The following FAM135B variants were observed in gnomAD, a reference collection of about 807,000 sequenced individuals.
FAM135B encodes the protein family with sequence similarity 135 member B.
Under a neutral mutation model 127.7 loss-of-function variants are expected in FAM135B, and 43 were observed. The observed-to-expected ratio is 0.34, with a 90% CI of 0.26 to 0.43. The LOEUF (loss-of-function observed/expected upper bound fraction) is 0.43, where lower values mean the gene tolerates loss of function less well. Among genes scored for constraint, FAM135B ranks in the 20% least tolerant of loss-of-function variants. FAM135B has a pLI of 1.00. For synonymous variants in FAM135B, 670 were observed against 665.1 expected, an observed-to-expected ratio of 1.01 and a Z score of -0.11; for missense variants, 1,558 against 1,725.6, an observed-to-expected ratio of 0.90 and a Z score of 1.72.
intron 3 of FAM135B, among the ~76,000 whole-genome samples, chr8:138,303,734 G>T (rs377203732): frequency 1.8e-4 from 27 of 152,310 alleles, no homozygotes; most frequent in East Asian, 9.7e-4. Context: ...GTCCTGGTGC[G>T]TGCACCTGTG....
intron 2 of FAM135B, among the ~76,000 whole-genome samples, chr8:138,364,771 G>T (rs1346747875): frequency 6.6e-6 from 1 of 151,766 alleles, no homozygotes; most frequent in Non-Finnish European, 1.5e-5. Flanking sequence ...TATAGAAAAA[G>T]GTTTTTTAAA....
intron 2 of FAM135B, among the ~76,000 whole-genome samples, chr8:138,329,003 C>G (rs905160246): frequency 1.3e-5 from 2 of 152,162 alleles, no homozygotes; most frequent in African/African-American, 4.8e-5. Context: ...ACAAACAAAA[C>G]ACCCACAAAT....
chr8:138,189,990 G>C (rs993968493), intron 9 of FAM135B, among the ~76,000 whole-genome samples: 1 of 152,132 alleles, frequency 6.6e-6, no homozygotes, highest in African/African-American at 2.4e-5. Flanking sequence ...AACCTTATCT[G>C]CATGGAGCCC....
intron 4 of FAM135B, among the ~76,000 whole-genome samples, chr8:138,259,851 G>A (rs1394528944): frequency 6.6e-6 from 1 of 152,146 alleles, no homozygotes; most frequent in Non-Finnish European, 1.5e-5. Context: ...TACCTTATAG[G>A]TATAAGATGC....
intron 2 of FAM135B, 125 bp downstream of exon 2, chr8:138,367,782 A>T (rs1830843913): frequency 1.4e-6 from 1 of 722,164 alleles, no homozygotes; most frequent in East Asian, 2.6e-5. Context: ...ACACAATGAA[A>T]ATCTTTTCTT....
At position 138,411,295 on chromosome 8, in the gene FAM135B, T is replaced by C. The variant is rs1439717489; in HGVS notation, c.-19-43293A>G. On this transcript the variant is annotated intron_variant, in intron 1 of 19. Coordinates refer to ENST00000395297, the MANE Select transcript of FAM135B (RefSeq NM_015912.4). ...TGGTACTGGTACCGAAACAGAGATA[T>C]AGATCAATGGAACAGAACAGAGCCC... is the stretch of plus-strand genomic sequence containing the variant. 3.3e-5 allele frequency among the ~76,000 whole-genome samples: 5 copies of C among 151,950 alleles called. No homozygotes were observed. In the South Asian group the frequency reaches 6.2e-4, roughly 19 times the overall value.
At chr8:138,394,306 C>G (rs952846322) in intron 1 of FAM135B, among the ~76,000 whole-genome samples, 5 of 152,134 alleles carry the variant, frequency 3.3e-5, no homozygotes, top group African/African-American at 7.2e-5. Flanking sequence ...CAGTATTTAT[C>G]AAGTTTACAT....
At chr8:138,482,918 A>G (rs982987903) in intron 1 of FAM135B, among the ~76,000 whole-genome samples, 1 of 151,910 alleles carries the variant, frequency 6.6e-6, no homozygotes, top group African/African-American at 2.4e-5. Flanking sequence ...CCATCCACCC[A>G]CCCATGCACC....
chr8:138,181,016 G>A (rs10875417), intron 9 of FAM135B, among the ~76,000 whole-genome samples: 77,815 of 150,694 alleles, frequency 0.52, 20,593 homozygotes, highest in East Asian at 0.8. Flanking sequence ...TGAGGCAGGC[G>A]GATCACGAGG....
intron 11 of FAM135B, among the ~76,000 whole-genome samples, chr8:138,169,399 T>C (rs1337966786): frequency 1.4e-5 from 2 of 140,384 alleles, no homozygotes; most frequent in Non-Finnish European, 3.0e-5. Flanking sequence ...TCTCTGAATA[T>C]TTAACTCTTT....
At chr8:138,206,306 C>T in intron 7 of FAM135B, among the ~76,000 whole-genome samples, 4 of 151,276 alleles carry the variant, frequency 2.6e-5, no homozygotes, top group Non-Finnish European at 5.9e-5. Context: ...TCATCCCCTC[C>T]ACCTACCCAC....
intron 19 of FAM135B, among the ~76,000 whole-genome samples, chr8:138,133,127 A>AGG (rs1183394924): frequency 6.6e-6 from 1 of 152,146 alleles, no homozygotes; most frequent in African/African-American, 2.4e-5. Context: ...AACACCAGAG[A>AGG]GGACCCTCAG....
chr8:138,253,742 C>G (rs73716655), intron 5 of FAM135B, among the ~76,000 whole-genome samples: 1,997 of 152,294 alleles, frequency 0.013, 40 homozygotes, highest in African/African-American at 0.042. Context: ...ATTTCACAAG[C>G]TCTTCCGTCC....
chr8:138,266,990 T>C (rs541083086), intron 3 of FAM135B, among the ~76,000 whole-genome samples: 1 of 152,252 alleles, frequency 6.6e-6, no homozygotes, highest in South Asian at 2.1e-4. Context: ...ACCCATAAGG[T>C]AAATTTTACA....
intron 1 of FAM135B, among the ~76,000 whole-genome samples, chr8:138,480,403 T>C (rs2131679978): frequency 6.6e-6 from 1 of 152,278 alleles, no homozygotes; most frequent in South Asian, 2.1e-4. Context: ...TGTCATCAGG[T>C]TGTATAATAA....
chr8:138,178,280 C>G (rs939975119), intron 10 of FAM135B, among the ~76,000 whole-genome samples: 1 of 151,506 alleles, frequency 6.6e-6, no homozygotes, highest in Non-Finnish European at 1.5e-5. Context: ...AGCACTTTTT[C>G]CAAAATACTT....
At chr8:138,192,495 C>A (rs990883846) in intron 9 of FAM135B, among the ~76,000 whole-genome samples, 29 of 152,214 alleles carry the variant, frequency 1.9e-4, no homozygotes, top group African/African-American at 7.0e-4. Flanking sequence ...CAAATTGCTT[C>A]TGTGGAATAA....
intron 2 of FAM135B, among the ~76,000 whole-genome samples, chr8:138,320,592 C>G (rs532351766): frequency 6.6e-6 from 1 of 152,230 alleles, no homozygotes; most frequent in East Asian, 1.9e-4. Context: ...TTTTGTATTC[C>G]TTAGAGGTCT....
intron 7 of FAM135B, among the ~76,000 whole-genome samples, chr8:138,228,242 T>C (rs192381729): frequency 1.8e-3 from 260 of 146,926 alleles, no homozygotes; most frequent in Non-Finnish European, 3.2e-3. Flanking sequence ...ATCAGAATCA[T>C]GGGGTAATAT....
Sources: gnomAD v4.1 joint callset for allele counts (sites outside exome capture counted in the v4.1 genomes callset) on GRCh38, gnomAD v4.1.1 for gene constraint, MANE v1.5 for transcripts, NCBI Gene and HGNC (gene_info 2026-07-23, HGNC 2026-07-21) for gene names.